HNRNPA0: variants seen among roughly 807,000 people sequenced by gnomAD.
HNRNPA0 encodes hnRNA binding protein.
For synonymous variants in HNRNPA0, 243 were observed against 195.5 expected (o/e 1.24, Z -2.03); for missense variants, 252 against 433.7 (o/e 0.58, Z 3.72).
rs1045120640 is a variant in HNRNPA0 at position 137,749,603 on chromosome 5, T to C, written c.*3546A>G. On this transcript the variant is annotated 3_prime_UTR_variant, in exon 1 of 1. Transcript: ENST00000314940. ...GCCAAAATAAGGCTGAGGAGGAAAA[T>C]TTCCCCAATGATCACTCTTAAAGTG... 1.3e-5 allele frequency: 2 copies of C among 152,126 alleles called. No homozygotes were observed. The highest frequency in any genetic ancestry group is 4.8e-5 in the African/African-American group (2 of 41,430). The allele number at this position is 152,126 out of a possible 1,614,324, so 9.4% of individuals were successfully genotyped here.
Position 137,753,288 on chromosome 5 carries a change from T to A in HNRNPA0, c.779A>T (p.Gln260Leu), listed in dbSNP as rs1753540535. The change falls in exon 1 of 1, where the codon CAG (glutamine) becomes CTG (leucine). Residue 260 changes from glutamine to leucine, a missense_variant. By Grantham distance (113) the Gln-to-Leu change is moderately radical. Coordinates refer to ENST00000314940, the MANE Select transcript of HNRNPA0 (RefSeq NM_006805.4). This position sits in a 1 kb window ranked among gnomAD's most constrained non-coding sequence, Gnocchi z 6.1. ...CATGGGCCCATAGGAGGACTGATGC[T>A]GGCTGTAGCTGCCGAAGCCGCCGAA... ...NGFGGFGSYSQHQSSYGPMKS... is the reference protein window; with the variant it reads ...NGFGGFGSYSLHQSSYGPMKS... The A allele has an allele frequency of 6.3e-7, 1 of 1,586,266 alleles. No homozygotes were observed. The highest frequency in any genetic ancestry group is 1.1e-5 in the South Asian group (1 of 88,920).
At position 137,750,493 on chromosome 5, in the gene HNRNPA0, A is replaced by G. The variant is rs1268555282; in HGVS notation, c.*2656T>C. 3 of 152,206 alleles carry G rather than the reference A, an allele frequency of 2.0e-5. No homozygotes were observed. Among genetic ancestry groups the G allele is most frequent in the Non-Finnish European group, 4.4e-5 (3 of 68,026 alleles). 9.4% of individuals were successfully genotyped at this position (152,206 alleles called of 1,614,324 possible). ...CTAATCCGTCAAAATACATTCAAGC[A>G]TGGCACAAAAATTATATTCAACACT... On this transcript the variant is annotated 3_prime_UTR_variant, in exon 1 of 1. Transcript: ENST00000314940.
rs887427835 is a variant in HNRNPA0 at position 137,751,255 on chromosome 5, T to C, written c.*1894A>G. On this transcript the variant is annotated 3_prime_UTR_variant, in exon 1 of 1. Transcript: ENST00000314940. ...TGTCAAAATGACTACTGAGCAGCTA[T>C]AACCTAGCCTAATAATCTTAACCTT... The C allele has an allele frequency of 1.8e-4, 27 of 147,426 alleles. No homozygotes were observed. The highest frequency in any genetic ancestry group is 6.8e-4 in the African/African-American group (27 of 39,612). The allele number at this position is 147,426 out of a possible 1,614,324, so 9.1% of individuals were successfully genotyped here. A position where few individuals can be genotyped will look rare whatever the true frequency, so the allele number is the denominator to read the frequency against.
chr5:137,754,197 G>T lies in HNRNPA0; in HGVS notation c.-131C>A. ...GGAGCCACCCCCGCCGCTCACCGAC[G>T]GGGAAGGGAAAAAGGGAAGGGGAGG... On this transcript the variant is annotated 5_prime_UTR_variant, in exon 1 of 1. Coordinates refer to ENST00000314940, the MANE Select transcript of HNRNPA0 (RefSeq NM_006805.4). The T allele has an allele frequency of 4.0e-6, 5 of 1,254,838 alleles. No individual in the cohort carries two copies. Among genetic ancestry groups the T allele is most frequent in the Non-Finnish European group, 5.4e-6 (5 of 922,812 alleles). The allele number at this position is 1,254,838 out of a possible 1,614,324, so 77.7% of individuals were successfully genotyped here. A position where few individuals can be genotyped will look rare whatever the true frequency, so the allele number is the denominator to read the frequency against.
chr5:137,751,218 T>C lies in HNRNPA0; in HGVS notation c.*1931A>G, dbSNP rs2149947650. The C allele has an allele frequency of 6.6e-6, 1 of 151,390 alleles. No homozygotes were observed. The highest frequency in any genetic ancestry group is 2.1e-4 in the South Asian group (1 of 4,782). The allele number at this position is 151,390 out of a possible 1,614,324, so 9.4% of individuals were successfully genotyped here. On this transcript the variant is annotated 3_prime_UTR_variant, in exon 1 of 1. Coordinates refer to ENST00000314940, the MANE Select transcript of HNRNPA0 (RefSeq NM_006805.4). ...GATATAACACTATTTGTACCAACCA[T>C]CCGCTACCCTTTGTCAAAATGACTA...
At position 137,751,702 on chromosome 5, in the gene HNRNPA0, G is replaced by A. The variant is rs1753500480; in HGVS notation, c.*1447C>T. The A allele has an allele frequency of 6.6e-6, 1 of 152,412 alleles. No homozygotes were observed. The highest frequency in any genetic ancestry group is 6.6e-5 in the Admixed American group (1 of 15,256). The allele number at this position is 152,412 out of a possible 1,614,324, so 9.4% of individuals were successfully genotyped here. ...AAACAACAACTTGAATGCTATTGCA[G>A]GAAAGGGCTACAAATATACATTTGT... On this transcript the variant is annotated 3_prime_UTR_variant, in exon 1 of 1. Transcript: ENST00000314940.
chr5:137,750,635 T>A lies in HNRNPA0; in HGVS notation c.*2514A>T, dbSNP rs1033467158. ...TTGTCCCTCCTCCCCAAGTCCCACA[T>A]GCCAAAATGTTTGCATATAAACTGA... is the stretch of plus-strand genomic sequence containing the variant. On this transcript the variant is annotated 3_prime_UTR_variant, in exon 1 of 1. Coordinates refer to ENST00000314940, the MANE Select transcript of HNRNPA0 (RefSeq NM_006805.4). 27 of 152,136 alleles carry A rather than the reference T, an allele frequency of 1.8e-4. 1 individual carries two copies. Among genetic ancestry groups the A allele is most frequent in the Admixed American group, 1.4e-3 (21 of 15,264 alleles). 9.4% of individuals were successfully genotyped at this position (152,136 alleles called of 1,614,324 possible). A position where few individuals can be genotyped will look rare whatever the true frequency, so the allele number is the denominator to read the frequency against.
In HNRNPA0 at chr5:137,751,585, T is replaced by C. The variant is rs1268720666; in HGVS notation, c.*1564A>G. 6.6e-6 allele frequency: 1 copy of C among 151,338 alleles called. No individual in the cohort carries two copies. Among genetic ancestry groups the C allele is most frequent in the Non-Finnish European group, 1.5e-5 (1 of 67,784 alleles). The allele number at this position is 151,338 out of a possible 1,614,324, so 9.4% of individuals were successfully genotyped here. On this transcript the variant is annotated 3_prime_UTR_variant, in exon 1 of 1. Coordinates refer to ENST00000314940, the MANE Select transcript of HNRNPA0 (RefSeq NM_006805.4). ...TCACTCAATCATGTAAAGAATTGAA[T>C]TCTTTATTTGTGATATCCATAAACG...
At position 137,750,008 on chromosome 5, in the gene HNRNPA0, A is replaced by G. The variant is rs1227242177; in HGVS notation, c.*3141T>C. 6.6e-6 allele frequency: 1 copy of G among 152,216 alleles called. No individual in the cohort carries two copies. The highest frequency in any genetic ancestry group is 1.5e-5 in the Non-Finnish European group (1 of 68,010). 9.4% of individuals were successfully genotyped at this position (152,216 alleles called of 1,614,324 possible). On this transcript the variant is annotated 3_prime_UTR_variant, in exon 1 of 1. Coordinates refer to ENST00000314940, the MANE Select transcript of HNRNPA0 (RefSeq NM_006805.4). Reference sequence around the variant, plus strand: ...ATGGATGAATGGGTACAATCAGTATAGTCATTCTGATTTGATAGTTATCAC... The same window carrying G: ...ATGGATGAATGGGTACAATCAGTATGGTCATTCTGATTTGATAGTTATCAC...
Position 137,751,038 on chromosome 5 carries a change from A to T in HNRNPA0, c.*2111T>A, listed in dbSNP as rs1340194439. 6.6e-6 allele frequency: 1 copy of T among 152,204 alleles called. No homozygotes were observed. The highest frequency in any genetic ancestry group is 2.4e-5 in the African/African-American group (1 of 41,456). The allele number at this position is 152,204 out of a possible 1,614,324, so 9.4% of individuals were successfully genotyped here. On this transcript the variant is annotated 3_prime_UTR_variant, in exon 1 of 1. Coordinates refer to ENST00000314940, the MANE Select transcript of HNRNPA0 (RefSeq NM_006805.4). ...CTACAGCCACCAAAAAGCTGGACCA[A>T]ATTACCAAATGAAGTAGCCCACATG...
In HNRNPA0 at chr5:137,747,879, T is replaced by A. The variant is rs922417097; in HGVS notation, c.*5270A>T. The A allele has an allele frequency of 1.3e-5, 2 of 152,206 alleles. No homozygotes were observed. The highest frequency in any genetic ancestry group is 4.8e-5 in the African/African-American group (2 of 41,460). The allele number at this position is 152,206 out of a possible 1,614,324, so 9.4% of individuals were successfully genotyped here. ...CAATTTATTTCTCACAACTCTCTTT[T>A]ATCTTAGTACAAATTAGACATTTGT... On this transcript the variant is annotated 3_prime_UTR_variant, in exon 1 of 1. Coordinates refer to ENST00000314940, the MANE Select transcript of HNRNPA0 (RefSeq NM_006805.4).
At position 137,748,480 on chromosome 5, in the gene HNRNPA0, T is replaced by C. The variant is rs1453329978; in HGVS notation, c.*4669A>G. ...TACTAAGATATAAAAGTATGCCTTT[T>C]GCTAGTCTGTCCCACCTCTTCATTA... is the stretch of plus-strand genomic sequence containing the variant. On this transcript the variant is annotated 3_prime_UTR_variant, in exon 1 of 1. Coordinates refer to ENST00000314940, the MANE Select transcript of HNRNPA0 (RefSeq NM_006805.4). The C allele has an allele frequency of 6.6e-6, 1 of 152,190 alleles. No homozygotes were observed. The highest frequency in any genetic ancestry group is 1.5e-5 in the Non-Finnish European group (1 of 68,018). 9.4% of individuals were successfully genotyped at this position (152,190 alleles called of 1,614,324 possible).
rs945603285 is a variant in HNRNPA0, at chr5:137,751,396, ATAT to A, written c.*1750_*1752del. On this transcript the variant is annotated 3_prime_UTR_variant, in exon 1 of 1. Coordinates refer to ENST00000314940, the MANE Select transcript of HNRNPA0 (RefSeq NM_006805.4). The stretch of plus-strand genomic sequence containing the variant: ...AGTTAAAAAATGGTTCAATATTAAA[ATAT>A]TATTTTATTTTAAAGCCCAATCTTT... 2.6e-5 allele frequency: 4 copies of A among 151,264 alleles called. No homozygotes were observed. The highest frequency in any genetic ancestry group is 5.9e-5 in the Non-Finnish European group (4 of 67,870). 9.4% of individuals were successfully genotyped at this position (151,264 alleles called of 1,614,324 possible). A position where few individuals can be genotyped will look rare whatever the true frequency, so the allele number is the denominator to read the frequency against.
Position 137,750,456 on chromosome 5 carries a change from A to C in HNRNPA0, c.*2693T>G, listed in dbSNP as rs1753477606. 1.3e-5 allele frequency: 2 copies of C among 152,212 alleles called. No homozygotes were observed. Among genetic ancestry groups the C allele is most frequent in the Admixed American group, 6.5e-5 (1 of 15,286 alleles). The allele number at this position is 152,212 out of a possible 1,614,324, so 9.4% of individuals were successfully genotyped here. On this transcript the variant is annotated 3_prime_UTR_variant, in exon 1 of 1. Transcript: ENST00000314940. Reference sequence around the variant, plus strand: ...CATTAAGATGAAAAATAGGAGGTTCACTTTTATTTTGCTAATCCGTCAAAA... The same window carrying C: ...CATTAAGATGAAAAATAGGAGGTTCCCTTTTATTTTGCTAATCCGTCAAAA...
Position 137,752,414 on chromosome 5 carries a change from T to C in HNRNPA0, c.*735A>G, listed in dbSNP as rs1046785184. The stretch of plus-strand genomic sequence containing the variant: ...AAACTTAAGAGTTTAAAAAGCCACA[T>C]CCACCACTTCAAAAGTTTTGCCTGT... On this transcript the variant is annotated 3_prime_UTR_variant, in exon 1 of 1. Transcript: ENST00000314940. 6 of 152,130 alleles carry C rather than the reference T, an allele frequency of 3.9e-5. No individual in the cohort carries two copies. The highest frequency in any genetic ancestry group is 1.4e-4 in the African/African-American group (6 of 41,408). 9.4% of individuals were successfully genotyped at this position (152,130 alleles called of 1,614,324 possible). A position where few individuals can be genotyped will look rare whatever the true frequency, so the allele number is the denominator to read the frequency against.
chr5:137,748,645 G>C lies in HNRNPA0; in HGVS notation c.*4504C>G, dbSNP rs1753446149. Reference sequence around the variant, plus strand: ...TTTTTTTACAAATAAGGCAAGTGAGGCTCGGGCCAGTTTGTCCAAGGTCGC... The same window carrying C: ...TTTTTTTACAAATAAGGCAAGTGAGCCTCGGGCCAGTTTGTCCAAGGTCGC... On this transcript the variant is annotated 3_prime_UTR_variant, in exon 1 of 1. Coordinates refer to ENST00000314940, the MANE Select transcript of HNRNPA0 (RefSeq NM_006805.4). 1 of 152,096 alleles carries C rather than the reference G, an allele frequency of 6.6e-6. No individual in the cohort carries two copies. Among genetic ancestry groups the C allele is most frequent in the South Asian group, 2.1e-4 (1 of 4,832 alleles). 9.4% of individuals were successfully genotyped at this position (152,096 alleles called of 1,614,324 possible). A position where few individuals can be genotyped will look rare whatever the true frequency, so the allele number is the denominator to read the frequency against.
rs115800104 is a variant in HNRNPA0 at position 137,752,987 on chromosome 5, T to C, written c.*162A>G. The C allele has an allele frequency of 1.9e-3, 1,236 of 655,136 alleles. 15 individuals carry two copies. The African/African-American group carries it at 0.019, about 10-fold the overall frequency. The allele number at this position is 655,136 out of a possible 1,614,324, so 40.6% of individuals were successfully genotyped here. On this transcript the variant is annotated 3_prime_UTR_variant, in exon 1 of 1. Coordinates refer to ENST00000314940, the MANE Select transcript of HNRNPA0 (RefSeq NM_006805.4). ...AGAGACAAGAGAGGTGGCAGGCAAATAGAGGAACACCCCCAAGGGTAAGCA... is the reference window on the plus strand; with the variant it reads ...AGAGACAAGAGAGGTGGCAGGCAAACAGAGGAACACCCCCAAGGGTAAGCA...
At position 137,748,851 on chromosome 5, in the gene HNRNPA0, A is replaced by G. The variant is rs1753450390; in HGVS notation, c.*4298T>C. ...TAAAAAGTAATCAATTAAGGAGAAA[A>G]GAGTCTTAATTTTCATCAGAGAATG... is the stretch of plus-strand genomic sequence containing the variant. On this transcript the variant is annotated 3_prime_UTR_variant, in exon 1 of 1. Coordinates refer to ENST00000314940, the MANE Select transcript of HNRNPA0 (RefSeq NM_006805.4). 1 of 152,224 alleles carries G rather than the reference A, an allele frequency of 6.6e-6. No homozygotes were observed. Among genetic ancestry groups the G allele is most frequent in the African/African-American group, 2.4e-5 (1 of 41,468 alleles). 9.4% of individuals were successfully genotyped at this position (152,224 alleles called of 1,614,324 possible).
Position 137,748,631 on chromosome 5 carries a change from A to G in HNRNPA0, c.*4518T>C, listed in dbSNP as rs1561628193. ...ATTACCATAGCCTATTTTTTTACAA[A>G]TAAGGCAAGTGAGGCTCGGGCCAGT... On this transcript the variant is annotated 3_prime_UTR_variant, in exon 1 of 1. Coordinates refer to ENST00000314940, the MANE Select transcript of HNRNPA0 (RefSeq NM_006805.4). The G allele has an allele frequency of 6.6e-6, 1 of 152,168 alleles. No individual in the cohort carries two copies. The highest frequency in any genetic ancestry group is 1.5e-5 in the Non-Finnish European group (1 of 68,014). The allele number at this position is 152,168 out of a possible 1,614,324, so 9.4% of individuals were successfully genotyped here.
Sources: allele counts gnomAD v4.1 joint callset, GRCh38; gene constraint gnomAD v4.1.1; non-coding constraint Gnocchi (gnomAD v3.1); transcripts MANE v1.5; gene names NCBI Gene and HGNC (gene_info 2026-07-23, HGNC 2026-07-21).